The following CSMD1 variants were observed in gnomAD, a reference collection of about 807,000 sequenced individuals.
The protein encoded by CSMD1 is CUB and Sushi multiple domains 1.
A neutral mutation model predicts 417.5 loss-of-function variants in CSMD1; 213 were observed. The ratio of observed to expected loss-of-function variants is 0.51; its 90% confidence interval spans 0.46 to 0.57. The LOEUF is 0.57. Among genes scored for constraint, CSMD1 ranks in the 20% least tolerant of loss-of-function variants. The pLI is 0.00. For missense variants in CSMD1, 6,923 were observed against 4,529.7 expected (o/e 1.53, Z -15.17); for synonymous variants, 2,862 against 1,736.8 (o/e 1.65, Z -16.11).
chr8:3,259,177 G>C (rs1294229150), intron 26 of CSMD1, among the ~76,000 whole-genome samples: 2 of 152,180 alleles, frequency 1.3e-5, no homozygotes, highest in African/African-American at 4.8e-5. Context: ...TATTAGTATG[G>C]ACTCATATTC....
intron 3 of CSMD1, among the ~76,000 whole-genome samples, chr8:4,297,685 G>A (rs972158791): frequency 6.6e-6 from 1 of 152,092 alleles, no homozygotes; most frequent in Non-Finnish European, 1.5e-5. Flanking sequence ...TACTGTTTTA[G>A]CATTAACCCG....
At chr8:3,681,054 T>C (rs1799634972) in intron 7 of CSMD1, among the ~76,000 whole-genome samples, 1 of 152,146 alleles carries the variant, frequency 6.6e-6, no homozygotes, top group Non-Finnish European at 1.5e-5. Flanking sequence ...TAATAAGAGC[T>C]ATTTAAGACA....
intron 1 of CSMD1, among the ~76,000 whole-genome samples, chr8:4,687,951 A>G (rs1321787271): frequency 6.6e-6 from 1 of 152,166 alleles, no homozygotes; most frequent in African/African-American, 2.4e-5. Flanking sequence ...CATCCTAGAC[A>G]TTTAACTCTA....
chr8:4,369,874 G>C (rs1048163147), intron 3 of CSMD1, among the ~76,000 whole-genome samples: 8 of 152,140 alleles, frequency 5.3e-5, no homozygotes, highest in Admixed American at 4.6e-4. Flanking sequence ...GTTGGGTCTT[G>C]CTTCTTTACC....
chr8:4,105,583 T>C (rs576654336), intron 3 of CSMD1, among the ~76,000 whole-genome samples: 4 of 152,050 alleles, frequency 2.6e-5, no homozygotes, highest in African/African-American at 7.2e-5. Context: ...TGTCTATGAG[T>C]AGGTGATGAG....
In CSMD1 at chr8:4,441,758, T is replaced by A. The variant is rs189704987; in HGVS notation, c.303-21693A>T. On this transcript the variant is annotated intron_variant, in intron 2 of 69. Transcript: ENST00000635120. ...TTTTTACTTAAATATTGCATTGCAGTCCATTTGACTGACTAATCTTGGGTG... is the reference window on the plus strand; with the variant it reads ...TTTTTACTTAAATATTGCATTGCAGACCATTTGACTGACTAATCTTGGGTG... Among the ~76,000 whole-genome samples, 34 of 152,282 alleles carry A rather than the reference T, an allele frequency of 2.2e-4. No homozygotes were observed. In the East Asian group the frequency reaches 6.2e-3, roughly 28 times the overall value.
chr8:4,905,127 T>A (rs1805156344), intron 1 of CSMD1, among the ~76,000 whole-genome samples: 1 of 152,176 alleles, frequency 6.6e-6, no homozygotes, highest in Admixed American at 6.5e-5. Context: ...ACTCAACTTT[T>A]AAATGTCATA....
intron 1 of CSMD1, among the ~76,000 whole-genome samples, chr8:4,734,252 T>A (rs571455498): frequency 6.6e-6 from 1 of 152,200 alleles, no homozygotes; most frequent in African/African-American, 2.4e-5. Context: ...TTTCAAGAAA[T>A]CTATTAAATC....
chr8:3,496,455 G>C (rs1477610589), intron 10 of CSMD1, among the ~76,000 whole-genome samples: 2 of 152,200 alleles, frequency 1.3e-5, no homozygotes, highest in Admixed American at 1.3e-4. Context: ...AGAGCTAGGA[G>C]TGTTTATTTG....
In CSMD1 at chr8:3,586,169, C is replaced by T. The variant is rs756545953; in HGVS notation, c.1189G>A (p.Ala397Thr). The T allele has an allele frequency of 6.2e-6, 10 of 1,612,514 alleles. No homozygotes were observed. Among genetic ancestry groups the T allele is most frequent in the South Asian group, 2.2e-5 (2 of 90,854 alleles). Residue 397 changes from alanine (A) to threonine (T), a missense_variant, in exon 9 of 70, where the codon GCT (alanine) becomes ACT (threonine). Transcript: ENST00000635120. ...ATGGGCCTGTGGTCACTCCAAGCAGCGAGCGTCTCTGTAACTCTCTGACAG... is the reference window on the plus strand; with the variant it reads ...ATGGGCCTGTGGTCACTCCAAGCAGTGAGCGTCTCTGTAACTCTCTGACAG... ...ITCQRVTETL[A>T]AWSDHRPICR...
chr8:4,064,738 G>T (rs1365278), intron 3 of CSMD1, among the ~76,000 whole-genome samples: 132 of 152,206 alleles, frequency 8.7e-4, no homozygotes, highest in African/African-American at 3.0e-3. Flanking sequence ...CTTCACAACC[G>T]AGATCTCTCA....
intron 1 of CSMD1, among the ~76,000 whole-genome samples, chr8:4,981,492 G>A (rs1810885544): frequency 6.6e-6 from 1 of 152,164 alleles, no homozygotes; most frequent in African/African-American, 2.4e-5. Context: ...TTTCACAAAT[G>A]CACTGGGGAA....
At chr8:4,733,067 C>T (rs189105101) in intron 1 of CSMD1, among the ~76,000 whole-genome samples, 17 of 151,948 alleles carry the variant, frequency 1.1e-4, no homozygotes, top group Non-Finnish European at 5.9e-5. Flanking sequence ...GAAAAAAGAC[C>T]GAGGTTGGTA....
At chr8:4,592,972 T>A in intron 2 of CSMD1, among the ~76,000 whole-genome samples, 1 of 152,234 alleles carries the variant, frequency 6.6e-6, no homozygotes, top group African/African-American at 2.4e-5. Context: ...TATATGTGTT[T>A]TCTCAGGCTT....
chr8:4,017,634 T>C (rs908998167), intron 4 of CSMD1, among the ~76,000 whole-genome samples: 12 of 152,126 alleles, frequency 7.9e-5, no homozygotes, highest in African/African-American at 2.7e-4. Context: ...CTAAATTGTG[T>C]AGAAAATATT....
intron 3 of CSMD1, among the ~76,000 whole-genome samples, chr8:4,063,990 G>C (rs1433785251): frequency 1.3e-5 from 2 of 152,064 alleles, no homozygotes; most frequent in Non-Finnish European, 2.9e-5. Flanking sequence ...TGGGAAAATG[G>C]GGAAATGAGT....
intron 1 of CSMD1, among the ~76,000 whole-genome samples, chr8:4,724,126 C>G (rs1323102047): frequency 6.6e-6 from 1 of 152,138 alleles, no homozygotes; most frequent in Non-Finnish European, 1.5e-5. Flanking sequence ...TGTAAGACAA[C>G]TAGACCTCCT....
chr8:4,712,824 A>G (rs1808396105), intron 1 of CSMD1, among the ~76,000 whole-genome samples: 2 of 152,200 alleles, frequency 1.3e-5, no homozygotes, highest in South Asian at 2.1e-4. Flanking sequence ...TGTACTATCT[A>G]AAGTTTCTAT....
chr8:3,566,140 G>C (rs1443895602), intron 10 of CSMD1, among the ~76,000 whole-genome samples: 3 of 151,908 alleles, frequency 2.0e-5, no homozygotes, highest in African/African-American at 7.3e-5. Context: ...ATGGAGGAGA[G>C]AAAGAGGAGA....
Sources: gnomAD v4.1 joint callset for allele counts (sites outside exome capture counted in the v4.1 genomes callset) on GRCh38, gnomAD v4.1.1 for gene constraint, MANE v1.5 for transcripts, NCBI Gene and HGNC (gene_info 2026-07-23, HGNC 2026-07-21) for gene names.